MICAL3: variants seen among roughly 807,000 people sequenced by gnomAD.
MICAL3 encodes the protein microtubule associated monooxygenase, calponin and LIM domain containing 3.
In MICAL3, 62 loss-of-function variants were observed where a neutral mutation model predicts 207.4. That is an observed-to-expected ratio of 0.30 (90% CI 0.24 to 0.37). The LOEUF (loss-of-function observed/expected upper bound fraction) is 0.37. Ranked by LOEUF, MICAL3 falls within the 10% of genes least tolerant of loss-of-function variation. The pLI, the probability that MICAL3 is intolerant of heterozygous loss-of-function variation, is 1.00. For missense variants in MICAL3, 2,368 were observed against 2,635.6 expected, an observed-to-expected ratio of 0.90 and a Z score of 2.22; for synonymous variants, 1,077 against 1,069.3, an observed-to-expected ratio of 1.01 and a Z score of -0.14.
At chr22:17,987,422 G>A (rs990315223) in intron 1 of MICAL3, among the ~76,000 whole-genome samples, 1 of 152,178 alleles carries the variant, frequency 6.6e-6, no homozygotes, top group South Asian at 2.1e-4. Context: ...TACGGTCCCC[G>A]CCCTCTGCAG....
intron 17 of MICAL3, among the ~76,000 whole-genome samples, chr22:17,866,391 A>G (rs1208368410): frequency 6.6e-6 from 1 of 152,192 alleles, no homozygotes; most frequent in Non-Finnish European, 1.5e-5. Flanking sequence ...GGAAACCAAG[A>G]ATGAATACAA....
chr22:17,980,799 T>C, intron 1 of MICAL3: 1 of 486,844 alleles, frequency 2.1e-6, no homozygotes, highest in Non-Finnish European at 4.4e-6. Flanking sequence ...GCTGCCCGTC[T>C]GCTCCTCTGC....
chr22:18,016,273 A>G (rs760873650), intron 1 of MICAL3, among the ~76,000 whole-genome samples: 10 of 152,368 alleles, frequency 6.6e-5, no homozygotes, highest in Non-Finnish European at 1.0e-4. Context: ...TCAACAGTGA[A>G]CACATATCAA....
Position 17,902,830 on chromosome 22 carries a change from G to A in MICAL3, c.473-83C>T, listed in dbSNP as rs775409444. On this transcript the variant is annotated intron_variant, in intron 3 of 31. Transcript: ENST00000441493. The surrounding 1 kb of genome is among the most constrained non-coding windows in gnomAD (Gnocchi z 4.5). Reference sequence around the variant, plus strand: ...GTGTCGCAGCTCAGGCTCCCACCCCGCCACCTACGCCCCCTTCATTCAGAT... The same window carrying A: ...GTGTCGCAGCTCAGGCTCCCACCCCACCACCTACGCCCCCTTCATTCAGAT... 2.8e-4 allele frequency: 214 copies of A among 769,176 alleles called. No individual in the cohort carries two copies. Among genetic ancestry groups the A allele is most frequent in the Non-Finnish European group, 4.1e-4 (187 of 453,160 alleles). 47.6% of individuals were successfully genotyped at this position (769,176 alleles called of 1,614,324 possible).
In MICAL3 at chr22:17,887,203, A is replaced by AAG; in HGVS notation, c.2033_2034insCT (p.Gly679LeufsTer27). 1.2e-6 allele frequency: 2 copies of AAG among 1,613,738 alleles called. No individual in the cohort carries two copies. The highest frequency in any genetic ancestry group is 1.7e-6 in the Non-Finnish European group (2 of 1,179,812). On this transcript the variant is annotated frameshift_variant, in exon 15 of 32. Transcript: ENST00000441493. LOFTEE classifies it high-confidence loss of function. Reference sequence around the variant, plus strand: ...ATTGACTGGTCTTTCTCCTCTTCCCAGCACCATCCAAGTCCTTTTCCTTTT... The same window carrying AAG: ...ATTGACTGGTCTTTCTCCTCTTCCCAAGGCACCATCCAAGTCCTTTTCCTTTT...
intron 1 of MICAL3, among the ~76,000 whole-genome samples, chr22:17,994,367 T>C (rs1029753451): frequency 3.9e-5 from 6 of 152,216 alleles, no homozygotes; most frequent in Non-Finnish European, 5.9e-5. Context: ...TCCTCCTCTC[T>C]TGGCTTCCAA....
intron 29 of MICAL3, among the ~76,000 whole-genome samples, chr22:17,797,845 C>T (rs577812314): frequency 3.1e-4 from 47 of 152,372 alleles, no homozygotes; most frequent in African/African-American, 1.1e-3. Flanking sequence ...ACAGCCACAG[C>T]GGGCAGGCAC....
chr22:17,857,755 T>C (rs1205489311), intron 19 of MICAL3, among the ~76,000 whole-genome samples: 1 of 152,266 alleles, frequency 6.6e-6, no homozygotes, highest in African/African-American at 2.4e-5. Flanking sequence ...TCCCTGTCTG[T>C]GGAAGGGTGT....
intron 19 of MICAL3, among the ~76,000 whole-genome samples, chr22:17,845,193 A>G (rs1924500126): frequency 1.3e-5 from 2 of 152,232 alleles, no homozygotes; most frequent in South Asian, 4.1e-4. Context: ...TTTAGATGGG[A>G]GAAGAAAAAC....
At position 17,839,258 on chromosome 22, in the gene MICAL3, A is replaced by ATT. The variant is rs58568915; in HGVS notation, c.2801+2562_2801+2563dup. ...GCTACCGCACCAGGCCGGGCTCTTC[A>ATT]TTTTTTTTTTTTTTTTTGAGACGAA... is the stretch of plus-strand genomic sequence containing the variant. On this transcript the variant is annotated intron_variant, in intron 20 of 31. Transcript: ENST00000441493. Among the ~76,000 whole-genome samples the ATT allele has an allele frequency of 4.8e-3, 534 of 110,374 alleles. 9 individuals carry two copies. The highest frequency in any genetic ancestry group is 7.5e-3 in the Middle Eastern group (1 of 134). 72.4% of individuals were successfully genotyped at this position (110,374 alleles called of 152,430 possible).
rs559915147 is a variant in MICAL3, at chr22:17,819,290, C to T, written c.3532-161G>A. Among the ~76,000 whole-genome samples the T allele has an allele frequency of 6.6e-5, 10 of 152,330 alleles. No individual in the cohort carries two copies. In the East Asian group the frequency reaches 1.9e-3, roughly 29 times the overall value. On this transcript the variant is annotated intron_variant, in intron 25 of 31. Coordinates refer to ENST00000441493, the MANE Select transcript of MICAL3 (RefSeq NM_015241.3). The stretch of plus-strand genomic sequence containing the variant: ...AGAACAGCTCCAGGAAAACCCTTTC[C>T]ACTTTCTGCTCCAGGTGTTCAGTGT...
chr22:17,858,401 A>AAGGGC, intron 19 of MICAL3: 2 of 909,008 alleles, frequency 2.2e-6, no homozygotes, highest in South Asian at 1.0e-4. Context: ...GCTGCAAGGT[A>AAGGGC]AGGGCTGGTT....
At chr22:17,894,384 A>G (rs1318560172) in intron 10 of MICAL3, among the ~76,000 whole-genome samples, 1 of 150,784 alleles carries the variant, frequency 6.6e-6, no homozygotes, top group Non-Finnish European at 1.5e-5. Flanking sequence ...CAACAAAGCA[A>G]GACTCTGTCT....
At chr22:17,986,790 G>A (rs932190873) in intron 1 of MICAL3, among the ~76,000 whole-genome samples, 2 of 152,096 alleles carry the variant, frequency 1.3e-5, no homozygotes, top group African/African-American at 4.8e-5. Context: ...CCTATTTCTA[G>A]TTTCAGTCTT....
At chr22:17,860,969 A>G (rs1350842345) in intron 19 of MICAL3, 7 of 983,710 alleles carry the variant, frequency 7.1e-6, no homozygotes, top group Non-Finnish European at 7.2e-6. Flanking sequence ...ATCTACCCAT[A>G]TATGTGCAAT....
At chr22:18,002,700 G>A (rs1341048722) in intron 1 of MICAL3, among the ~76,000 whole-genome samples, 2 of 152,154 alleles carry the variant, frequency 1.3e-5, no homozygotes, top group Non-Finnish European at 2.9e-5. Flanking sequence ...GAGCAGGTAA[G>A]TACAACCCTC....
chr22:17,957,743 CGAGAGA>C (rs35596616), intron 1 of MICAL3, among the ~76,000 whole-genome samples: 10 of 138,384 alleles, frequency 7.2e-5, no homozygotes, highest in East Asian at 6.2e-4. Flanking sequence ...AGAAAGAAAA[CGAGAGA>C]GAGAGAGAGA....
chr22:17,884,133 A>C (rs189714303), intron 16 of MICAL3: 1 of 548,592 alleles, frequency 1.8e-6, no homozygotes, highest in African/African-American at 2.0e-5. Context: ...GTTTTCCCAG[A>C]GCTACTACTC....
intron 1 of MICAL3, among the ~76,000 whole-genome samples, chr22:17,971,335 T>C (rs1935404023): frequency 6.6e-6 from 1 of 151,956 alleles, no homozygotes; most frequent in African/African-American, 2.4e-5. Flanking sequence ...GGGCATGGTG[T>C]TGTGTGTCTG....
Sources: gnomAD v4.1 joint callset for allele counts (sites outside exome capture counted in the v4.1 genomes callset) on GRCh38, gnomAD v4.1.1 for gene constraint, Gnocchi (gnomAD v3.1) non-coding constraint, MANE v1.5 for transcripts, NCBI Gene and HGNC (gene_info 2026-07-23, HGNC 2026-07-21) for gene names.